The following IFI27 variants were observed in gnomAD, a reference collection of about 807,000 sequenced individuals.
The protein encoded by IFI27 is interferon alpha inducible protein 27.
Under a neutral mutation model 8.9 loss-of-function variants are expected in IFI27, and 3 were observed. That is an observed-to-expected ratio of 0.34 (90% confidence interval 0.15 to 0.87). The LOEUF (loss-of-function observed/expected upper bound fraction) is 0.87. Among genes scored for constraint, IFI27 ranks in the 40% least tolerant of loss-of-function variants. The pLI, the probability that IFI27 is intolerant of heterozygous loss-of-function variation, is 0.51. For synonymous variants in IFI27, 66 were observed against 67.3 expected (o/e 0.98, Z 0.09); for missense variants, 152 against 157.7 (o/e 0.96, Z 0.19).
At position 94,111,562 on chromosome 14, in the gene IFI27, G is replaced by T; in HGVS notation, c.-58-63G>T. The T allele has an allele frequency of 1.3e-6, 1 of 780,748 alleles. No homozygotes were observed. Among genetic ancestry groups the T allele is most frequent in the Non-Finnish European group, 2.2e-6 (1 of 449,218 alleles). The allele number at this position is 780,748 out of a possible 1,614,324, so 48.4% of individuals were successfully genotyped here. ...CCCTGGAGCCCGTCACATTTTTCAG[G>T]ACAGTGGGAAGCAAGTCAGGTTGTG... is the stretch of plus-strand genomic sequence containing the variant. On this transcript the variant is annotated intron_variant, in intron 1 of 4. Transcript: ENST00000621160. This position sits in a 1 kb window ranked among gnomAD's most constrained non-coding sequence, Gnocchi z 4.3.
At chr14:94,114,096 C>T (rs1282088016) in intron 2 of IFI27, 1 of 152,412 alleles carries the variant, frequency 6.6e-6, no homozygotes, top group Non-Finnish European at 1.5e-5. Context: ...CTGGAAGAAT[C>T]TGGGAAGGCT....
At chr14:94,105,909 A>G (rs927523724), upstream of IFI27, 3 of 152,222 alleles carry the variant, frequency 2.0e-5, no homozygotes, top group South Asian at 4.1e-4. Context: ...TAGTGCTGCT[A>G]TGTACGTGGG....
intron 2 of IFI27, among the ~76,000 whole-genome samples, chr14:94,112,573 C>T (rs1026946409): frequency 5.3e-5 from 8 of 152,220 alleles, no homozygotes; most frequent in Non-Finnish European, 1.0e-4. Context: ...CCCCCAACTC[C>T]GCCAGCACAA....
chr14:94,115,865 A>G, exon 4 of IFI27: 1 of 1,603,686 alleles, frequency 6.2e-7, no homozygotes, highest in Non-Finnish European at 8.5e-7. Context: ...ATAGCAGCCA[A>G]GATGATGTCC....
chr14:94,111,911 G>A lies in IFI27; in HGVS notation c.91+138G>A. The A allele has an allele frequency of 1.4e-6, 1 of 729,540 alleles. No homozygotes were observed. Among genetic ancestry groups the A allele is most frequent in the Non-Finnish European group, 2.4e-6 (1 of 414,578 alleles). 45.2% of individuals were successfully genotyped at this position (729,540 alleles called of 1,614,324 possible). ...GCCCTGTCCTGTCTTCTCACAGCAG[G>A]CGTCCACCCTAACTTTCCATCTGGG... On this transcript the variant is annotated intron_variant, in intron 2 of 4. Transcript: ENST00000621160. This position sits in a 1 kb window ranked among gnomAD's most constrained non-coding sequence, Gnocchi z 4.3.
chr14:94,110,145 C>A (rs1219904865), upstream of IFI27, among the ~76,000 whole-genome samples: 1 of 152,194 alleles, frequency 6.6e-6, no homozygotes, highest in Non-Finnish European at 1.5e-5. Flanking sequence ...GGAATGACTG[C>A]CCCCCCATAA....
Position 94,116,076 on chromosome 14 carries a change from T to A in IFI27, c.283+134T>A. 1 of 1,018,128 alleles carries A rather than the reference T, an allele frequency of 9.8e-7. No homozygotes were observed. Among genetic ancestry groups the A allele is most frequent in the Non-Finnish European group, 1.5e-6 (1 of 672,870 alleles). The allele number at this position is 1,018,128 out of a possible 1,614,324, so 63.1% of individuals were successfully genotyped here. A position where few individuals can be genotyped will look rare whatever the true frequency, so the allele number is the denominator to read the frequency against. ...TCTCTCTCTACACATTCTCTCAGGG[T>A]TTCTCTGAGGGAGATGGAGGAGGGA... On this transcript the variant is annotated intron_variant, in intron 4 of 4. Coordinates refer to ENST00000621160, the Ensembl canonical transcript of IFI27. The surrounding 1 kb of genome is among the most constrained non-coding windows in gnomAD (Gnocchi z 4.3).
rs1246973361 is a variant in IFI27, at chr14:94,116,621, T to C, written c.*94T>C. 8.1e-6 allele frequency: 7 copies of C among 861,834 alleles called. No homozygotes were observed. In the Admixed American group the frequency reaches 1.0e-4, roughly 13 times the overall value. 53.4% of individuals were successfully genotyped at this position (861,834 alleles called of 1,614,324 possible). On this transcript the variant is annotated 3_prime_UTR_variant, in exon 5 of 5. Coordinates refer to ENST00000621160, the Ensembl canonical transcript of IFI27. This position sits in a 1 kb window ranked among gnomAD's most constrained non-coding sequence, Gnocchi z 4.3. The stretch of plus-strand genomic sequence containing the variant: ...AGCGAGGAGCCAACTATCCCAAATA[T>C]ACCTGGGGTGAAATATACCAAATTC...
chr14:94,107,137 T>C (rs1206057741), upstream of IFI27, among the ~76,000 whole-genome samples: 2 of 152,134 alleles, frequency 1.3e-5, no homozygotes, highest in Non-Finnish European at 2.9e-5. Context: ...TGGCACAATC[T>C]CGGTTCACTT....
intron 3 of IFI27, 30 bp from the exon 4 acceptor site, chr14:94,115,749 CCA>C: frequency 6.3e-7 from 1 of 1,594,642 alleles, no homozygotes; most frequent in Non-Finnish European, 8.5e-7. Context: ...CCTTCTGAGC[CCA>C]CGCACCGACC....
At chr14:94,115,365 C>G (rs1475309473) in intron 3 of IFI27, 1 of 522,876 alleles carries the variant, frequency 1.9e-6, no homozygotes, top group Non-Finnish European at 3.7e-6. Flanking sequence ...CTAGAGCTGT[C>G]TCTTTGAGCC....
Position 94,111,555 on chromosome 14 carries a change from T to C in IFI27, c.-58-70T>C, listed in dbSNP as rs577282440. 214 of 748,578 alleles carry C rather than the reference T, an allele frequency of 2.9e-4. No individual in the cohort carries two copies. The highest frequency in any genetic ancestry group is 4.7e-4 in the Non-Finnish European group (200 of 425,200). The allele number at this position is 748,578 out of a possible 1,614,324, so 46.4% of individuals were successfully genotyped here. On this transcript the variant is annotated intron_variant, in intron 1 of 4. Coordinates refer to ENST00000621160, the Ensembl canonical transcript of IFI27. The surrounding 1 kb of genome is among the most constrained non-coding windows in gnomAD (Gnocchi z 4.3). ...CCTAGCCCCCTGGAGCCCGTCACAT[T>C]TTTCAGGACAGTGGGAAGCAAGTCA...
rs756040625 is a variant in IFI27 at position 94,116,538 on chromosome 14, C to T, written c.*11C>T. 62 of 1,604,724 alleles carry T rather than the reference C, an allele frequency of 3.9e-5. No individual in the cohort carries two copies. The highest frequency in any genetic ancestry group is 6.7e-5 in the South Asian group (6 of 89,612). ...GCGAGGTTCTACTAGCTCCCTGCCC[C>T]TCGCCCTGCAGAGAAGAGAACCATG... On this transcript the variant is annotated 3_prime_UTR_variant, in exon 5 of 5. Coordinates refer to ENST00000621160, the Ensembl canonical transcript of IFI27. This position sits in a 1 kb window ranked among gnomAD's most constrained non-coding sequence, Gnocchi z 4.3.
At chr14:94,114,524 C>T in intron 2 of IFI27, 2 of 379,198 alleles carry the variant, frequency 5.3e-6, no homozygotes, top group Non-Finnish European at 9.7e-6. Context: ...CATTTTCATT[C>T]TGCTTTTTGT....
chr14:94,115,981 G>A, intron 4 of IFI27, 39 bp downstream of exon 4: 1 of 1,546,302 alleles, frequency 6.5e-7, no homozygotes, highest in Non-Finnish European at 8.7e-7. Flanking sequence ...AGGGCGATGA[G>A]GAGGGCAAGA....
At chr14:94,112,772 T>G (rs1413936354) in intron 2 of IFI27, 1 of 152,590 alleles carries the variant, frequency 6.6e-6, no homozygotes, top group Non-Finnish European at 1.5e-5. Flanking sequence ...AGCTCCTTCA[T>G]GCTGGGGTCC....
rs1488679737 is a variant in IFI27 at position 94,115,974 on chromosome 14, G to A, written c.283+32G>A. ...ATCCTGGCGGGGCTTGCTGGGGAGG[G>A]CGATGAGGAGGGCAAGAGCCTCCAA... is the stretch of plus-strand genomic sequence containing the variant. On this transcript the variant is annotated intron_variant, in intron 4 of 4. Transcript: ENST00000621160. 3 of 1,551,014 alleles carry A rather than the reference G, an allele frequency of 1.9e-6. No individual in the cohort carries two copies. The East Asian group carries it at 7.3e-5, about 38-fold the overall frequency.
At chr14:94,114,195 A>G (rs917792457) in intron 2 of IFI27, 1 of 152,298 alleles carries the variant, frequency 6.6e-6, no homozygotes, top group African/African-American at 2.4e-5. Context: ...GTGGCATTCA[A>G]GCATTCTATA....
intron 2 of IFI27, chr14:94,113,604 C>G (rs1006760436): frequency 6.6e-6 from 1 of 152,212 alleles, no homozygotes; most frequent in African/African-American, 2.4e-5. Flanking sequence ...CAGGCTACTC[C>G]GCCGTATGAA....
Sources: allele counts gnomAD v4.1 joint callset (sites outside exome capture counted in the v4.1 genomes callset), GRCh38; gene constraint gnomAD v4.1.1; non-coding constraint Gnocchi (gnomAD v3.1); transcripts MANE v1.5; gene names NCBI Gene and HGNC (gene_info 2026-07-23, HGNC 2026-07-21).